Variants in ATXN1 observed in about 807,000 individuals in gnomAD.
ATXN1 encodes the protein ataxin-1.
Under a neutral mutation model 56.4 loss-of-function variants are expected in ATXN1, and 8 were observed. That is an observed-to-expected ratio of 0.14 (90% CI 0.08 to 0.26). The LOEUF is 0.26. ATXN1 is among the 10% of genes least tolerant of loss of function. The pLI is 1.00. For synonymous variants in ATXN1, 514 were observed against 494.6 expected, an observed-to-expected ratio of 1.04 and a Z score of -0.52; for missense variants, 987 against 1,106.5, an observed-to-expected ratio of 0.89 and a Z score of 1.53.
chr6:16,342,462 G>A (rs959199205), intron 6 of ATXN1, among the ~76,000 whole-genome samples: 1 of 152,098 alleles, frequency 6.6e-6, no homozygotes, highest in African/African-American at 2.4e-5. Context: ...AAACATTTTG[G>A]CAGTTCCTCA....
In ATXN1 at chr6:16,328,842, G is replaced by A. The variant is rs940700043; in HGVS notation, c.-160-372C>T. ...CTTGAGAGGCTGAGGCAGGAGAATT[G>A]CTTGAACCCAGGAGGCAGAGGTTGC... On this transcript the variant is annotated intron_variant, in intron 6 of 7. Transcript: ENST00000436367. The surrounding 1 kb of genome is among the most constrained non-coding windows in gnomAD (Gnocchi z 6.2). Among the ~76,000 whole-genome samples, 1 of 152,176 alleles carries A rather than the reference G, an allele frequency of 6.6e-6. No homozygotes were observed.
At chr6:16,673,176 A>C (rs1185720400) in intron 2 of ATXN1, among the ~76,000 whole-genome samples, 2 of 85,658 alleles carry the variant, frequency 2.3e-5, no homozygotes, top group Non-Finnish European at 4.7e-5. Flanking sequence ...ACTGTCAGAT[A>C]AAAACAGTTG....
intron 3 of ATXN1, among the ~76,000 whole-genome samples, chr6:16,617,974 A>T (rs1444593643): frequency 1.3e-5 from 2 of 152,030 alleles, no homozygotes; most frequent in African/African-American, 4.8e-5. Flanking sequence ...AAACTATGAG[A>T]TAATAAAGAA....
rs117350069 is a variant in ATXN1 at position 16,676,917 on chromosome 6, T to C, written c.-614-19016A>G. Among the ~76,000 whole-genome samples the C allele has an allele frequency of 3.4e-3, 521 of 152,324 alleles. 15 individuals carry two copies. In the East Asian group the frequency reaches 0.054, roughly 16 times the overall value. On this transcript the variant is annotated intron_variant, in intron 2 of 7. Transcript: ENST00000436367. ...AAGATTGGGGATATCATTGTGTTCC[T>C]TTCCTCTTATGTCCACTGAACCCTC... is the stretch of plus-strand genomic sequence containing the variant.
intron 6 of ATXN1, among the ~76,000 whole-genome samples, chr6:16,421,616 G>C (rs1199097644): frequency 6.7e-6 from 1 of 148,228 alleles, no homozygotes; most frequent in African/African-American, 2.5e-5. Context: ...TCAAGGGTGA[G>C]GGTAAAGACA....
At chr6:16,556,772 T>C (rs1326476503) in intron 4 of ATXN1, among the ~76,000 whole-genome samples, 1 of 152,110 alleles carries the variant, frequency 6.6e-6, no homozygotes, top group Non-Finnish European at 1.5e-5. Flanking sequence ...TTAGCCAATT[T>C]AACTGCATAA....
intron 6 of ATXN1, among the ~76,000 whole-genome samples, chr6:16,446,683 C>G (rs1156505184): frequency 6.6e-6 from 1 of 152,114 alleles, no homozygotes; most frequent in Non-Finnish European, 1.5e-5. Context: ...ATTAAAGGAA[C>G]TTTACAGTGA....
chr6:16,641,483 G>A (rs561551192), intron 3 of ATXN1, among the ~76,000 whole-genome samples: 2 of 152,284 alleles, frequency 1.3e-5, no homozygotes, highest in Admixed American at 6.5e-5. Context: ...CTATAGAAAT[G>A]GAACAACAAA....
intron 1 of ATXN1, among the ~76,000 whole-genome samples, chr6:16,759,681 G>A (rs1462824951): frequency 6.6e-6 from 1 of 151,706 alleles, no homozygotes; most frequent in Non-Finnish European, 1.5e-5. Context: ...CCGAATCCCC[G>A]CCGTCCTTAG....
At chr6:16,379,187 AC>A (rs1489811022) in intron 6 of ATXN1, among the ~76,000 whole-genome samples, 5 of 152,206 alleles carry the variant, frequency 3.3e-5, no homozygotes, top group Non-Finnish European at 5.9e-5. Flanking sequence ...ATATGTTCTC[AC>A]TGATATGTGA....
At chr6:16,609,385 T>G (rs1763065866) in intron 3 of ATXN1, among the ~76,000 whole-genome samples, 1 of 152,192 alleles carries the variant, frequency 6.6e-6, no homozygotes, top group African/African-American at 2.4e-5. Flanking sequence ...CATCCTCTGC[T>G]ACAAAGGGGG....
intron 6 of ATXN1, among the ~76,000 whole-genome samples, chr6:16,426,626 A>T (rs369407779): frequency 1.9e-4 from 23 of 118,368 alleles, no homozygotes; most frequent in Admixed American, 1.1e-3. Flanking sequence ...TGTGTGAGAG[A>T]GAGAGAGAGA....
intron 2 of ATXN1, chr6:16,738,609 A>T (rs751134311): frequency 6.6e-6 from 1 of 152,256 alleles, no homozygotes; most frequent in Non-Finnish European, 1.5e-5. Context: ...AAAAAAGCAC[A>T]TCTATGACTG....
At chr6:16,617,502 C>A (rs1236029400) in intron 3 of ATXN1, among the ~76,000 whole-genome samples, 7 of 151,008 alleles carry the variant, frequency 4.6e-5, no homozygotes, top group Non-Finnish European at 1.0e-4. Flanking sequence ...AGAAAAAAAA[C>A]AAATATCAAG....
chr6:16,641,889 C>A (rs1763712844), intron 3 of ATXN1, among the ~76,000 whole-genome samples: 1 of 152,156 alleles, frequency 6.6e-6, no homozygotes, highest in Non-Finnish European at 1.5e-5. Flanking sequence ...TCAACATGAA[C>A]ATCAGTTTGG....
intron 2 of ATXN1, among the ~76,000 whole-genome samples, chr6:16,746,137 A>C (rs1310389171): frequency 6.6e-6 from 1 of 152,222 alleles, no homozygotes; most frequent in Non-Finnish European, 1.5e-5. Flanking sequence ...TGGACCACAA[A>C]GCCAGGAGCC....
At chr6:16,534,208 C>T (rs1009747724) in intron 4 of ATXN1, among the ~76,000 whole-genome samples, 11 of 151,844 alleles carry the variant, frequency 7.2e-5, no homozygotes, top group African/African-American at 2.7e-4. Context: ...TGAGAATGGC[C>T]ATTAGAGGGT....
intron 2 of ATXN1, among the ~76,000 whole-genome samples, chr6:16,707,815 T>C (rs1050147656): frequency 6.6e-6 from 1 of 152,152 alleles, no homozygotes; most frequent in Non-Finnish European, 1.5e-5. Context: ...TATACCTAAG[T>C]TTATGTTTAA....
rs549057457 is a variant in ATXN1, at chr6:16,571,804, G to A, written c.-361+13976C>T. On this transcript the variant is annotated intron_variant, in intron 4 of 7. Coordinates refer to ENST00000436367, the MANE Select transcript of ATXN1 (RefSeq NM_001128164.2). ...GCCTCCCAAGTAGCTAGGACTACAG[G>A]CTCATGCCACCATGCTCAGCTAAGT... Among the ~76,000 whole-genome samples the A allele has an allele frequency of 2.6e-5, 4 of 152,208 alleles. 1 individual carries two copies. In the South Asian group the frequency reaches 8.3e-4, roughly 32 times the overall value.
Sources: gnomAD v4.1 joint callset for allele counts (sites outside exome capture counted in the v4.1 genomes callset) on GRCh38, gnomAD v4.1.1 for gene constraint, Gnocchi (gnomAD v3.1) non-coding constraint, MANE v1.5 for transcripts, NCBI Gene and HGNC (gene_info 2026-07-23, HGNC 2026-07-21) for gene names.